GPBAR1: variants seen among roughly 807,000 people sequenced by gnomAD.
GPBAR1 encodes G-protein coupled bile acid receptor 1.
In GPBAR1, 13 loss-of-function variants were observed where a neutral mutation model predicts 13.0. The ratio of observed to expected loss-of-function variants is 1.00; its 90% CI spans 0.65 to 1.59. GPBAR1 has a LOEUF of 1.59. Ranked by LOEUF, GPBAR1 falls within the 40% of genes most tolerant of loss-of-function variation. The pLI, the probability that GPBAR1 is intolerant of heterozygous loss-of-function variation, is 0.00. For missense variants in GPBAR1, 398 were observed against 436.4 expected, an observed-to-expected ratio of 0.91 and a Z score of 0.78; for synonymous variants, 193 against 205.2, an observed-to-expected ratio of 0.94 and a Z score of 0.51.
rs1189965332 is a variant in GPBAR1, at chr2:218,262,186, G to A, written c.-45-494G>A. ...GGACAGATGGGGGGAAGGGTGCAGGGTGCCCGAGACCTGGCCCGCTGGAGC... is the reference window on the plus strand; with the variant it reads ...GGACAGATGGGGGGAAGGGTGCAGGATGCCCGAGACCTGGCCCGCTGGAGC... On this transcript the variant is annotated intron_variant, in intron 1 of 1. Transcript: ENST00000519574. This position sits in a 1 kb window ranked among gnomAD's most constrained non-coding sequence, Gnocchi z 5.1. 1.3e-5 allele frequency: 2 copies of A among 155,846 alleles called. No homozygotes were observed. Among genetic ancestry groups the A allele is most frequent in the Non-Finnish European group, 2.8e-5 (2 of 70,386 alleles). The allele number at this position is 155,846 out of a possible 1,614,324, so 9.7% of individuals were successfully genotyped here.
intron 1 of GPBAR1, among the ~76,000 whole-genome samples, chr2:218,261,551 C>T (rs1690414566): frequency 6.6e-6 from 1 of 151,878 alleles, no homozygotes; most frequent in African/African-American, 2.4e-5. Context: ...GTGGAGGGCA[C>T]TGGAAGAGAT....
Position 218,263,314 on chromosome 2 carries a change from A to G in GPBAR1, c.590A>G (p.Gln197Arg), listed in dbSNP as rs1292117091. 2.5e-6 allele frequency: 4 copies of G among 1,605,108 alleles called. No individual in the cohort carries two copies. The African/African-American group carries it at 5.3e-5, about 21-fold the overall frequency. Residue 197 changes from glutamine to arginine, a missense_variant, in exon 2 of 2, where the codon CAG becomes CGG. Gln to Arg is a conservative substitution (Grantham distance 43). Transcript: ENST00000519574. This position sits in a 1 kb window ranked among gnomAD's most constrained non-coding sequence, Gnocchi z 4.2. ...CTGGCCACTGCCCACCGCCAGCTGC[A>G]GGACATCTGCCGGCTGGAGCGGGCA... ...RVLATAHRQL[Q>R]DICRLERAVC...
At chr2:218,260,241 T>C (rs1358804714), upstream of GPBAR1, 4 of 152,216 alleles carry the variant, frequency 2.6e-5, no homozygotes, top group African/African-American at 7.2e-5. Context: ...AAGGGAACTT[T>C]AGTCATTTGC....
intron 1 of GPBAR1, 92 bp downstream of exon 1, chr2:218,261,308 G>A (rs1690407958): frequency 6.6e-6 from 1 of 152,330 alleles, no homozygotes; most frequent in Non-Finnish European, 1.5e-5. Context: ...GGGTGTGCAG[G>A]TGGTACAGCC....
Position 218,263,627 on chromosome 2 carries a change from G to T in GPBAR1, c.903G>T (p.Gly301=). ...CAGCCGCCCAAAGGTGCCTGCAGGG[G>T]CTGTGGGGAAGAGCCTCCCGGGACA... is the stretch of plus-strand genomic sequence containing the variant. ...WRAAAQRCLQ[G]LWGRASRDSP... is the part of the protein sequence containing the mutation. The change falls in exon 2 of 2, where the codon GGG becomes GGT. Residue 301 remains glycine (G), a synonymous_variant. Transcript: ENST00000519574. This position sits in a 1 kb window ranked among gnomAD's most constrained non-coding sequence, Gnocchi z 4.2. 6.2e-7 allele frequency: 1 copy of T among 1,612,826 alleles called. No individual in the cohort carries two copies. The highest frequency in any genetic ancestry group is 8.5e-7 in the Non-Finnish European group (1 of 1,179,822).
Position 218,262,716 on chromosome 2 carries a change from A to G in GPBAR1, c.-9A>G. On this transcript the variant is annotated 5_prime_UTR_variant, in exon 2 of 2. Coordinates refer to ENST00000519574, the MANE Select transcript of GPBAR1 (RefSeq NM_170699.3). The surrounding 1 kb of genome is among the most constrained non-coding windows in gnomAD (Gnocchi z 5.1). ...GCCGCTCCAGGACTCCCCTGTCCCC[A>G]GGACCAAGATGACGCCCAACAGCAC... is the stretch of plus-strand genomic sequence containing the variant. 1 of 1,568,138 alleles carries G rather than the reference A, an allele frequency of 6.4e-7. No homozygotes were observed. The highest frequency in any genetic ancestry group is 8.6e-7 in the Non-Finnish European group (1 of 1,156,612).
At position 218,263,836 on chromosome 2, in the gene GPBAR1, C is replaced by T. The variant is rs1690544850; in HGVS notation, c.*119C>T. The T allele has an allele frequency of 2.3e-5, 27 of 1,162,422 alleles. No homozygotes were observed. The highest frequency in any genetic ancestry group is 3.4e-5 in the Non-Finnish European group (27 of 784,302). 72.0% of individuals were successfully genotyped at this position (1,162,422 alleles called of 1,614,324 possible). A position where few individuals can be genotyped will look rare whatever the true frequency, so the allele number is the denominator to read the frequency against. On this transcript the variant is annotated 3_prime_UTR_variant, in exon 2 of 2. Coordinates refer to ENST00000519574, the MANE Select transcript of GPBAR1 (RefSeq NM_170699.3). This position sits in a 1 kb window ranked among gnomAD's most constrained non-coding sequence, Gnocchi z 4.2. ...CTGCCTCTGTTTGACCCCGCACTGA[C>T]TGAATAAAGCTCCTCTGGCCGTTTA...
In GPBAR1 at chr2:218,262,641, C is replaced by A; in HGVS notation, c.-45-39C>A. ...TGCTGCCCTGCCAGGAGGACACGAC[C>A]TGCAGCCCCATCCTAACTCTGGCCA... On this transcript the variant is annotated intron_variant, in intron 1 of 1. Coordinates refer to ENST00000519574, the MANE Select transcript of GPBAR1 (RefSeq NM_170699.3). The surrounding 1 kb of genome is among the most constrained non-coding windows in gnomAD (Gnocchi z 5.1). The A allele has an allele frequency of 7.1e-7, 1 of 1,401,088 alleles. No individual in the cohort carries two copies. The allele number at this position is 1,401,088 out of a possible 1,614,324, so 86.8% of individuals were successfully genotyped here.
In GPBAR1 at chr2:218,262,952, C is replaced by T; in HGVS notation, c.228C>T (p.Asn76=). ...LALPTLPGLW[N]QSRRGYWSCL... ...TGCCCACATTGCCAGGGCTGTGGAACCAGAGTCGCCGGGGTTACTGGTCCT... is the reference window on the plus strand; with the variant it reads ...TGCCCACATTGCCAGGGCTGTGGAATCAGAGTCGCCGGGGTTACTGGTCCT... The change falls in exon 2 of 2, where the codon AAC becomes AAT. Residue 76 remains asparagine, a synonymous_variant. Transcript: ENST00000519574. The surrounding 1 kb of genome is among the most constrained non-coding windows in gnomAD (Gnocchi z 5.1). The T allele has an allele frequency of 6.2e-7, 1 of 1,613,940 alleles. No homozygotes were observed.
In GPBAR1 at chr2:218,263,573, C is replaced by T. The variant is rs199646972; in HGVS notation, c.849C>T (p.Gly283=). The change falls in exon 2 of 2, where the codon GGC becomes GGT. Residue 283 remains glycine, a synonymous_variant. Transcript: ENST00000519574. The surrounding 1 kb of genome is among the most constrained non-coding windows in gnomAD (Gnocchi z 4.2). The stretch of plus-strand genomic sequence containing the variant: ...CAGTGCCCGTAGCCATGGGGCTGGG[C>T]GATCAGCGCTACACAGCCCCCTGGA... The part of the protein sequence containing the change: ...AAAVPVAMGL[G]DQRYTAPWRA... 24 of 1,612,350 alleles carry T rather than the reference C, an allele frequency of 1.5e-5. 1 individual carries two copies. In the South Asian group the frequency reaches 1.6e-4, roughly 11 times the overall value.
rs758377744 is a variant in GPBAR1 at position 218,262,730 on chromosome 2, G to A, written c.6G>A (p.Thr2=). M[T]PNSTGEVPSP... ...CCCCTGTCCCCAGGACCAAGATGACGCCCAACAGCACTGGCGAGGTGCCCA... is the reference window on the plus strand; with the variant it reads ...CCCCTGTCCCCAGGACCAAGATGACACCCAACAGCACTGGCGAGGTGCCCA... The change falls in exon 2 of 2, where the codon ACG becomes ACA. Residue 2 remains threonine, a synonymous_variant. Coordinates refer to ENST00000519574, the MANE Select transcript of GPBAR1 (RefSeq NM_170699.3). This position sits in a 1 kb window ranked among gnomAD's most constrained non-coding sequence, Gnocchi z 5.1. The A allele has an allele frequency of 9.5e-6, 15 of 1,583,708 alleles. No individual in the cohort carries two copies. Among genetic ancestry groups the A allele is most frequent in the African/African-American group, 4.0e-5 (3 of 74,398 alleles).
Position 218,263,502 on chromosome 2 carries a change from G to A in GPBAR1, c.778G>A (p.Gly260Arg), listed in dbSNP as rs773938746. ...TGAGCAGCGCCCGCCACTGGGGCCT[G>A]GGACACTGTTGTCCCTCCTCTCCCT... ...AYEQRPPLGPGTLLSLLSLGS... is the reference protein window; with the variant it reads ...AYEQRPPLGPRTLLSLLSLGS... Residue 260 changes from glycine to arginine, a missense_variant, in exon 2 of 2, where the codon GGG becomes AGG. Coordinates refer to ENST00000519574, the MANE Select transcript of GPBAR1 (RefSeq NM_170699.3). The surrounding 1 kb of genome is among the most constrained non-coding windows in gnomAD (Gnocchi z 4.2). The A allele has an allele frequency of 6.2e-7, 1 of 1,611,306 alleles. No individual in the cohort carries two copies. The highest frequency in any genetic ancestry group is 1.7e-5 in the Admixed American group (1 of 59,820).
Position 218,263,453 on chromosome 2 carries a change from A to G in GPBAR1, c.729A>G (p.Thr243=), listed in dbSNP as rs766576897. ...TGTGCTGGGGGCCCTACGTGGCCAC[A>G]CTGCTCCTCTCAGTCCTGGCCTATG... ...FGLCWGPYVA[T]LLLSVLAYEQ... is the part of the protein sequence containing the mutation. The change falls in exon 2 of 2, where the codon ACA becomes ACG. Residue 243 remains threonine, a synonymous_variant. Transcript: ENST00000519574. The surrounding 1 kb of genome is among the most constrained non-coding windows in gnomAD (Gnocchi z 4.2). The G allele has an allele frequency of 3.1e-6, 5 of 1,604,648 alleles. No individual in the cohort carries two copies. The highest frequency in any genetic ancestry group is 1.3e-5 in the African/African-American group (1 of 74,846).
At position 218,262,707 on chromosome 2, in the gene GPBAR1, C is replaced by A; in HGVS notation, c.-18C>A. ...ATGCCGGCTGCCGCTCCAGGACTCC[C>A]CTGTCCCCAGGACCAAGATGACGCC... On this transcript the variant is annotated 5_prime_UTR_variant, in exon 2 of 2. Coordinates refer to ENST00000519574, the MANE Select transcript of GPBAR1 (RefSeq NM_170699.3). The surrounding 1 kb of genome is among the most constrained non-coding windows in gnomAD (Gnocchi z 5.1). 2 of 1,556,042 alleles carry A rather than the reference C, an allele frequency of 1.3e-6. No homozygotes were observed. Among genetic ancestry groups the A allele is most frequent in the South Asian group, 1.2e-5 (1 of 83,626 alleles).
chr2:218,262,928 G>T lies in GPBAR1; in HGVS notation c.204G>T (p.Leu68Phe). The T allele has an allele frequency of 6.2e-7, 1 of 1,613,810 alleles. No individual in the cohort carries two copies. The highest frequency in any genetic ancestry group is 8.5e-7 in the Non-Finnish European group (1 of 1,179,812). Residue 68 changes from leucine (L) to phenylalanine (F), a missense_variant, in exon 2 of 2, where the codon TTG (leucine) becomes TTT (phenylalanine). Coordinates refer to ENST00000519574, the MANE Select transcript of GPBAR1 (RefSeq NM_170699.3). This position sits in a 1 kb window ranked among gnomAD's most constrained non-coding sequence, Gnocchi z 5.1. Reference protein sequence around the residue: ...LLAGLLTGLALPTLPGLWNQS... With the variant: ...LLAGLLTGLAFPTLPGLWNQS... ...CTGGGCTGCTCACGGGTCTGGCATT[G>T]CCCACATTGCCAGGGCTGTGGAACC...
upstream of GPBAR1, among the ~76,000 whole-genome samples, chr2:218,260,488 G>A (rs993684058): frequency 2.6e-5 from 4 of 152,152 alleles, no homozygotes; most frequent in Non-Finnish European, 4.4e-5. Context: ...GGCAAAAACC[G>A]AGGCCCAGTA....
At position 218,263,148 on chromosome 2, in the gene GPBAR1, C is replaced by T; in HGVS notation, c.424C>T (p.Pro142Ser). The change falls in exon 2 of 2, where the codon CCC (proline) becomes TCC (serine). Residue 142 changes from proline (P) to serine (S), a missense_variant. By Grantham distance (74) the Pro-to-Ser change is moderately conservative. Transcript: ENST00000519574. The surrounding 1 kb of genome is among the most constrained non-coding windows in gnomAD (Gnocchi z 4.2). ...WAGPLLFASL[P>S]ALGWNHWTPG... is the part of the protein sequence containing the mutation. The stretch of plus-strand genomic sequence containing the variant: ...TGGTCCCCTGCTCTTTGCCAGTCTG[C>T]CCGCTCTGGGGTGGAACCACTGGAC... The T allele has an allele frequency of 6.2e-7, 1 of 1,611,790 alleles. No homozygotes were observed. Among genetic ancestry groups the T allele is most frequent in the Non-Finnish European group, 8.5e-7 (1 of 1,179,860 alleles).
In GPBAR1 at chr2:218,261,058, G is replaced by A. The variant is rs1478806373; in HGVS notation, c.-204G>A. 6.6e-5 allele frequency: 10 copies of A among 152,330 alleles called. No individual in the cohort carries two copies. In the East Asian group the frequency reaches 1.4e-3, roughly 21 times the overall value. The allele number at this position is 152,330 out of a possible 1,614,324, so 9.4% of individuals were successfully genotyped here. Reference sequence around the variant, plus strand: ...AGCCTGGGTAGGAGAGCCTGGCCCCGCTGTCCCCACTGGGTGGAGACACCA... The same window carrying A: ...AGCCTGGGTAGGAGAGCCTGGCCCCACTGTCCCCACTGGGTGGAGACACCA... On this transcript the variant is annotated 5_prime_UTR_variant, in exon 1 of 2. Transcript: ENST00000519574.
Position 218,263,857 on chromosome 2 carries a change from GT to G in GPBAR1, c.*143del. The G allele has an allele frequency of 1.0e-6, 1 of 955,870 alleles. No homozygotes were observed. Among genetic ancestry groups the G allele is most frequent in the Non-Finnish European group, 1.6e-6 (1 of 611,966 alleles). 59.2% of individuals were successfully genotyped at this position (955,870 alleles called of 1,614,324 possible). A position where few individuals can be genotyped will look rare whatever the true frequency, so the allele number is the denominator to read the frequency against. ...CTGACTGAATAAAGCTCCTCTGGCC[GT>G]TTATGATTATCTCATTCCATATCTC... On this transcript the variant is annotated 3_prime_UTR_variant, in exon 2 of 2. Coordinates refer to ENST00000519574, the MANE Select transcript of GPBAR1 (RefSeq NM_170699.3). The surrounding 1 kb of genome is among the most constrained non-coding windows in gnomAD (Gnocchi z 4.2).
Sources: gnomAD v4.1 joint callset for allele counts (sites outside exome capture counted in the v4.1 genomes callset) on GRCh38, gnomAD v4.1.1 for gene constraint, Gnocchi (gnomAD v3.1) non-coding constraint, MANE v1.5 for transcripts, NCBI Gene and HGNC (gene_info 2026-07-23, HGNC 2026-07-21) for gene names.